PANK3: variants seen among roughly 807,000 people sequenced by gnomAD.
PANK3 encodes hPanK3.
In PANK3, 20 loss-of-function variants were observed where a neutral mutation model predicts 39.4. The observed-to-expected ratio is 0.51, with a 90% CI of 0.36 to 0.74. The LOEUF (loss-of-function observed/expected upper bound fraction) is 0.74, where lower values mean the gene tolerates loss of function less well. Among genes scored for constraint, PANK3 ranks in the 30% least tolerant of loss-of-function variants. The pLI, the probability that PANK3 is intolerant of heterozygous loss-of-function variation, is 0.00. For missense variants in PANK3, 265 were observed against 437.0 expected (o/e 0.61, Z 3.51); for synonymous variants, 140 against 157.3 (o/e 0.89, Z 0.82).
rs367990131 is a variant in PANK3 at position 168,571,099 on chromosome 5, C to T, written c.29-2101G>A. On this transcript the variant is annotated intron_variant, in intron 1 of 6. Transcript: ENST00000239231. ...TTATACTATAGTCAGATCTAAATGG[C>T]ATTTGAAAATGACTGGCTTTGGTCA... Among the ~76,000 whole-genome samples, 8 of 152,288 alleles carry T rather than the reference C, an allele frequency of 5.3e-5. No homozygotes were observed. In the East Asian group the frequency reaches 7.7e-4, roughly 15 times the overall value.
In PANK3 at chr5:168,554,196, G is replaced by C. The variant is rs892366248; in HGVS notation, c.*3375C>G. 3 of 152,222 alleles carry C rather than the reference G, an allele frequency of 2.0e-5. No homozygotes were observed. Among genetic ancestry groups the C allele is most frequent in the African/African-American group, 7.2e-5 (3 of 41,460 alleles). 9.4% of individuals were successfully genotyped at this position (152,222 alleles called of 1,614,324 possible). ...TTAACACTGGAGGTCCAATAGTTTA[G>C]TGAAGTTGTTTTGAGACTCTTGCTA... On this transcript the variant is annotated 3_prime_UTR_variant, in exon 7 of 7. Transcript: ENST00000239231.
intron 3 of PANK3, among the ~76,000 whole-genome samples, chr5:168,565,092 T>C (rs941697888): frequency 6.6e-6 from 1 of 152,198 alleles, no homozygotes; most frequent in African/African-American, 2.4e-5. Flanking sequence ...CAGTGTACAA[T>C]TCTTTGGCAT....
chr5:168,569,025 AAAAAAAT>A (rs1240833329), intron 1 of PANK3, 27 bp from the exon 2 acceptor site: 5 of 371,624 alleles, frequency 1.3e-5, no homozygotes, highest in Middle Eastern at 9.5e-4. Context: ...AAAAAAAAAA[AAAAAAAT>A]ATATATATAT....
Position 168,554,575 on chromosome 5 carries a change from TAA to T in PANK3, c.*2994_*2995del, listed in dbSNP as rs1759320819. The T allele has an allele frequency of 6.6e-6, 1 of 150,928 alleles. No homozygotes were observed. The highest frequency in any genetic ancestry group is 1.5e-5 in the Non-Finnish European group (1 of 67,348). 9.3% of individuals were successfully genotyped at this position (150,928 alleles called of 1,614,324 possible). A position where few individuals can be genotyped will look rare whatever the true frequency, so the allele number is the denominator to read the frequency against. On this transcript the variant is annotated 3_prime_UTR_variant, in exon 7 of 7. Transcript: ENST00000239231. ...GTGGTTATTTAGGAGGAAAAGCGTG[TAA>T]AGTTAAGTTTTTAGAATTTAGACTG...
In PANK3 at chr5:168,559,164, G is replaced by GA; in HGVS notation, c.937-8dup. On this transcript the variant is annotated splice_region_variant and splice_polypyrimidine_tract_variant and intron_variant, in intron 5 of 6. Transcript: ENST00000239231. Reference sequence around the variant, plus strand: ...AGACAACTCTGTTTATTTTCTAAAAGAAAAGAACAAAGAAAAAACTTGTAA... The same window carrying GA: ...AGACAACTCTGTTTATTTTCTAAAAGAAAAAGAACAAAGAAAAAACTTGTAA... The GA allele has an allele frequency of 6.7e-7, 1 of 1,482,440 alleles. No individual in the cohort carries two copies. 91.8% of individuals were successfully genotyped at this position (1,482,440 alleles called of 1,614,324 possible).
Position 168,550,408 on chromosome 5 carries a change from A to C in PANK3, c.*7163T>G, listed in dbSNP as rs1012918519. The stretch of plus-strand genomic sequence containing the variant: ...TAAGTCAAGGAACATCTGTATTCTA[A>C]CATTTATGAATAATTTTTTGTACAA... On this transcript the variant is annotated 3_prime_UTR_variant, in exon 7 of 7. Transcript: ENST00000239231. 4.6e-5 allele frequency: 7 copies of C among 152,228 alleles called. No homozygotes were observed. Among genetic ancestry groups the C allele is most frequent in the African/African-American group, 1.4e-4 (6 of 41,470 alleles). The allele number at this position is 152,228 out of a possible 1,614,324, so 9.4% of individuals were successfully genotyped here. A position where few individuals can be genotyped will look rare whatever the true frequency, so the allele number is the denominator to read the frequency against.
At chr5:168,561,036 G>A in intron 5 of PANK3, 1 of 379,212 alleles carries the variant, frequency 2.6e-6, no homozygotes, top group African/African-American at 2.1e-5. Context: ...ATAGTGGTGA[G>A]CATAGCTGCC....
intron 4 of PANK3, among the ~76,000 whole-genome samples, chr5:168,563,449 CCG>C (rs1409214114): frequency 6.6e-6 from 1 of 152,104 alleles, no homozygotes; most frequent in Non-Finnish European, 1.5e-5. Flanking sequence ...AAAAACAGTA[CCG>C]CTCTTTTGCA....
chr5:168,564,163 GA>G (rs903347480), intron 3 of PANK3, 98 bp from the exon 4 acceptor site: 9 of 1,080,226 alleles, frequency 8.3e-6, no homozygotes, highest in Admixed American at 3.0e-5. Context: ...TGAACACACA[GA>G]AAAAAAACCT....
At chr5:168,560,087 T>C (rs916958598) in intron 5 of PANK3, among the ~76,000 whole-genome samples, 1 of 152,204 alleles carries the variant, frequency 6.6e-6, no homozygotes, top group Non-Finnish European at 1.5e-5. Flanking sequence ...AACCATGGCC[T>C]AAATTATTGT....
intron 3 of PANK3, among the ~76,000 whole-genome samples, chr5:168,565,740 T>C (rs1265885552): frequency 6.6e-6 from 1 of 151,350 alleles, no homozygotes; most frequent in Non-Finnish European, 1.5e-5. Flanking sequence ...CATTATCTGT[T>C]GGCTGGGAGC....
At position 168,549,585 on chromosome 5, in the gene PANK3, C is replaced by G. The variant is rs1394400851; in HGVS notation, c.*7986G>C. ...AAAATCTTGATTTTAACCTCATTCACTCCTTTGAAAAATACATTCCTCTTT... is the reference window on the plus strand; with the variant it reads ...AAAATCTTGATTTTAACCTCATTCAGTCCTTTGAAAAATACATTCCTCTTT... On this transcript the variant is annotated 3_prime_UTR_variant, in exon 7 of 7. Transcript: ENST00000239231. 1 of 152,176 alleles carries G rather than the reference C, an allele frequency of 6.6e-6. No individual in the cohort carries two copies. The highest frequency in any genetic ancestry group is 1.5e-5 in the Non-Finnish European group (1 of 68,032). 9.4% of individuals were successfully genotyped at this position (152,176 alleles called of 1,614,324 possible). A position where few individuals can be genotyped will look rare whatever the true frequency, so the allele number is the denominator to read the frequency against.
In PANK3 at chr5:168,568,856, T is replaced by C. The variant is rs934896272; in HGVS notation, c.171A>G (p.Ala57=). 3.1e-6 allele frequency: 5 copies of C among 1,613,902 alleles called. No individual in the cohort carries two copies. In the South Asian group the frequency reaches 3.3e-5, roughly 11 times the overall value. ...CATCCCGAATGCCGGTGGATCCATA[T>C]GCCACGTTAGAAGTCAAATATTTCC... ...SIRKYLTSNV[A]YGSTGIRDVH... Residue 57 remains alanine, a synonymous_variant, in exon 2 of 7, where the codon GCA becomes GCG. Coordinates refer to ENST00000239231, the MANE Select transcript of PANK3 (RefSeq NM_024594.4).
intron 1 of PANK3, among the ~76,000 whole-genome samples, chr5:168,573,827 C>T (rs974008910): frequency 1.3e-5 from 2 of 151,900 alleles, no homozygotes; most frequent in Admixed American, 6.6e-5. Flanking sequence ...TTCATCCATG[C>T]CCCTACAAAG....
At chr5:168,565,845 C>A (rs1353175789) in intron 3 of PANK3, among the ~76,000 whole-genome samples, 168 bp downstream of exon 3, 1 of 113,158 alleles carries the variant, frequency 8.8e-6, no homozygotes, top group Non-Finnish European at 1.8e-5. Context: ...CAACATGGCA[C>A]CCTCTTTCAC....
At position 168,557,541 on chromosome 5, in the gene PANK3, AT is replaced by A. The variant is rs1431387605; in HGVS notation, c.*29del. 1.2e-6 allele frequency: 2 copies of A among 1,602,202 alleles called. No individual in the cohort carries two copies. The highest frequency in any genetic ancestry group is 2.2e-5 in the South Asian group (2 of 90,508). On this transcript the variant is annotated 3_prime_UTR_variant, in exon 7 of 7. Coordinates refer to ENST00000239231, the MANE Select transcript of PANK3 (RefSeq NM_024594.4). ...CTGGTTTTAGTTCCTCTTGGATGAC[AT>A]TTATTAGCAGAGAGAGAGACCTGAT...
At chr5:168,562,992 T>G (rs1397179054) in intron 4 of PANK3, among the ~76,000 whole-genome samples, 1 of 151,962 alleles carries the variant, frequency 6.6e-6, no homozygotes, top group East Asian at 1.9e-4. Context: ...AAAGATGGAT[T>G]ATTAGACATT....
chr5:168,558,317 C>T (rs1039152070), intron 6 of PANK3, among the ~76,000 whole-genome samples: 1 of 152,044 alleles, frequency 6.6e-6, no homozygotes, highest in Non-Finnish European at 1.5e-5. Flanking sequence ...CCCGCCACCT[C>T]GCCCGGCTAA....
Position 168,568,814 on chromosome 5 carries a change from T to C in PANK3, c.213A>G (p.Lys71=), listed in dbSNP as rs1759575160. The change falls in exon 2 of 7, where the codon AAA becomes AAG. Residue 71 remains lysine (K), a synonymous_variant. Coordinates refer to ENST00000239231, the MANE Select transcript of PANK3 (RefSeq NM_024594.4). The part of the protein sequence containing the change: ...TGIRDVHLEL[K]DLTLFGRRGN... ...CTCTTCGGCCAAAAAGTGTTAAATCTTTCAGTTCAAGGTGTACATCCCGAA... is the reference window on the plus strand; with the variant it reads ...CTCTTCGGCCAAAAAGTGTTAAATCCTTCAGTTCAAGGTGTACATCCCGAA... The C allele has an allele frequency of 1.2e-6, 2 of 1,613,858 alleles. No individual in the cohort carries two copies. The highest frequency in any genetic ancestry group is 1.7e-6 in the Non-Finnish European group (2 of 1,180,006).
Sources: gnomAD v4.1 joint callset for allele counts (sites outside exome capture counted in the v4.1 genomes callset) on GRCh38, gnomAD v4.1.1 for gene constraint, MANE v1.5 for transcripts, NCBI Gene and HGNC (gene_info 2026-07-23, HGNC 2026-07-21) for gene names.